AFF2: variants seen among roughly 807,000 people sequenced by gnomAD.
AFF2 encodes ALF transcription elongation factor 2.
In AFF2, 14 loss-of-function variants were observed where a neutral mutation model predicts 76.9. The observed-to-expected ratio is 0.18, with a 90% CI of 0.12 to 0.28. The LOEUF (loss-of-function observed/expected upper bound fraction) is 0.28, where lower values mean the gene tolerates loss of function less well. Among genes scored for constraint, AFF2 ranks in the 10% least tolerant of loss-of-function variants. The probability of loss-of-function intolerance (pLI) is 1.00; values close to 1 mark genes in which losing one functional copy is unlikely to be tolerated. For missense variants in AFF2, 868 were observed against 1,001.1 expected (o/e 0.87, Z 1.79); for synonymous variants, 398 against 366.7 (o/e 1.09, Z -0.98).
chrX:148,878,298 T>C (rs1253464214), intron 7 of AFF2, among the ~76,000 whole-genome samples: 4 of 112,017 alleles, frequency 3.6e-5, no homozygotes, highest in African/African-American at 1.3e-4. Context: ...CAACCTTGAA[T>C]GTTAGGATCA....
At chrX:148,589,309 C>G (rs958150009) in intron 1 of AFF2, among the ~76,000 whole-genome samples, 1 of 111,344 alleles carries the variant, frequency 9.0e-6, no homozygotes, top group African/African-American at 3.3e-5. Flanking sequence ...TCATTAATAT[C>G]CATCCCCAAA....
chrX:148,930,847 A>T (rs183205832), intron 9 of AFF2, among the ~76,000 whole-genome samples: 34 of 112,229 alleles, frequency 3.0e-4, no homozygotes, highest in African/African-American at 1.0e-3. Context: ...CTTCAGATAG[A>T]GTCTTGGGAT....
intron 3 of AFF2, among the ~76,000 whole-genome samples, chrX:148,730,447 A>G (rs1207183706): frequency 1.8e-5 from 2 of 112,518 alleles, no homozygotes; most frequent in Admixed American, 9.4e-5. Context: ...TTTCTAAATC[A>G]TGATGAAAAC....
At chrX:148,720,113 C>T (rs1203319396) in intron 3 of AFF2, among the ~76,000 whole-genome samples, 3 of 110,502 alleles carry the variant, frequency 2.7e-5, no homozygotes, top group African/African-American at 9.9e-5. Context: ...TGCTTGGTTC[C>T]TCAGTGAGAT....
In AFF2 at chrX:148,842,785, G is replaced by A. The variant is rs184975639; in HGVS notation, c.1174-181G>A. 8.9e-5 allele frequency among the ~76,000 whole-genome samples: 10 copies of A among 111,892 alleles called. No individual in the cohort carries two copies. In the East Asian group the frequency reaches 2.8e-3, roughly 31 times the overall value. On this transcript the variant is annotated intron_variant, in intron 5 of 20. Transcript: ENST00000370460. ...GTTATGATCATGTTGCAGCAGGTTT[G>A]GCTGGCAAATGTTTATCCTTCAAAT...
chrX:148,504,040 A>C (rs1171470741), intron 1 of AFF2, among the ~76,000 whole-genome samples: 1 of 112,336 alleles, frequency 8.9e-6, no homozygotes, highest in African/African-American at 3.2e-5. Flanking sequence ...AATTAAAAAA[A>C]AATCAAATTT....
At chrX:148,889,187 A>G (rs1295534533) in intron 8 of AFF2, among the ~76,000 whole-genome samples, 4 of 111,510 alleles carry the variant, frequency 3.6e-5, no homozygotes, top group Non-Finnish European at 7.5e-5. Flanking sequence ...ATGTATGAAA[A>G]TGAAACACAG....
intron 1 of AFF2, among the ~76,000 whole-genome samples, chrX:148,614,309 G>A (rs1435972567): frequency 1.8e-5 from 2 of 111,891 alleles, no homozygotes; most frequent in Non-Finnish European, 3.8e-5. Context: ...TGTTGTAGGT[G>A]GAAAGCTGAA....
At chrX:148,759,582 C>T (rs1429539641) in intron 3 of AFF2, among the ~76,000 whole-genome samples, 1 of 111,858 alleles carries the variant, frequency 8.9e-6, no homozygotes, top group African/African-American at 3.2e-5. Flanking sequence ...CTCACATAGT[C>T]CTCTCTGCTG....
chrX:148,770,633 T>C (rs781841831), intron 3 of AFF2, among the ~76,000 whole-genome samples: 6 of 111,741 alleles, frequency 5.4e-5, no homozygotes, highest in Non-Finnish European at 9.4e-5. Flanking sequence ...GCTCCTGTCG[T>C]CTGGAAGGGC....
At chrX:148,501,819 A>T (rs1557231918) in intron 1 of AFF2, among the ~76,000 whole-genome samples, 1 of 112,602 alleles carries the variant, frequency 8.9e-6, no homozygotes, top group Non-Finnish European at 1.9e-5. Flanking sequence ...CGCAGCTCTG[A>T]TGTCAATGCA....
At chrX:148,633,898 C>T (rs1295380490) in intron 1 of AFF2, among the ~76,000 whole-genome samples, 1 of 112,011 alleles carries the variant, frequency 8.9e-6, no homozygotes, top group African/African-American at 3.2e-5. Context: ...TTTCCTTTCT[C>T]CCATGAAAAA....
At chrX:148,771,826 G>T (rs1344661799) in intron 3 of AFF2, among the ~76,000 whole-genome samples, 2 of 111,775 alleles carry the variant, frequency 1.8e-5, no homozygotes, top group African/African-American at 6.5e-5. Flanking sequence ...TGTTATGTCA[G>T]ATTTTGCAAA....
intron 9 of AFF2, among the ~76,000 whole-genome samples, chrX:148,929,164 G>A (rs1557284107): frequency 8.9e-6 from 1 of 112,354 alleles, no homozygotes; most frequent in East Asian, 2.8e-4. Flanking sequence ...CAAACAGTAA[G>A]AAAACTAATT....
intron 7 of AFF2, among the ~76,000 whole-genome samples, chrX:148,848,880 A>G (rs182785219): frequency 1.8e-5 from 2 of 111,312 alleles, no homozygotes; most frequent in East Asian, 5.7e-4. Flanking sequence ...TTTCCTAAGG[A>G]CTTAATATAT....
chrX:148,548,243 A>G (rs782741537), intron 1 of AFF2, among the ~76,000 whole-genome samples: 1 of 111,325 alleles, frequency 9.0e-6, no homozygotes, highest in South Asian at 3.8e-4. Context: ...CCCTCTACCC[A>G]GTGGGTTTCA....
intron 3 of AFF2, among the ~76,000 whole-genome samples, chrX:148,759,546 C>G (rs2069416056): frequency 8.9e-6 from 1 of 111,996 alleles, no homozygotes; most frequent in Non-Finnish European, 1.9e-5. Context: ...TTCAGAGAAG[C>G]AAAATGGTTC....
intron 2 of AFF2, among the ~76,000 whole-genome samples, chrX:148,660,222 T>G (rs879992005): frequency 8.9e-6 from 1 of 111,774 alleles, no homozygotes; most frequent in Non-Finnish European, 1.9e-5. Context: ...TTAAATACTT[T>G]TTACGGTATA....
At chrX:148,633,932 A>G (rs1410268628) in intron 1 of AFF2, among the ~76,000 whole-genome samples, 2 of 112,103 alleles carry the variant, frequency 1.8e-5, no homozygotes, top group Admixed American at 1.9e-4. Context: ...AAGGGTCAGA[A>G]TAACCCAAAG....
Sources: gnomAD v4.1 joint callset for allele counts (sites outside exome capture counted in the v4.1 genomes callset) on GRCh38, gnomAD v4.1.1 for gene constraint, MANE v1.5 for transcripts, NCBI Gene and HGNC (gene_info 2026-07-23, HGNC 2026-07-21) for gene names.